Variants in ALPK2 observed in about 807,000 individuals in gnomAD.
ALPK2 encodes the protein alpha kinase 2.
ALPK2 carries 127 observed loss-of-function variants against 163.1 expected under a neutral mutation model. The ratio of observed to expected loss-of-function variants is 0.78; its 90% CI spans 0.67 to 0.90. ALPK2 has a LOEUF of 0.90. ALPK2 is among the 40% of genes least tolerant of loss of function. ALPK2 has a pLI of 0.00. For missense variants in ALPK2, 2,360 were observed against 2,589.6 expected (o/e 0.91, Z 1.92); for synonymous variants, 953 against 959.1 (o/e 0.99, Z 0.12).
At chr18:58,491,249 T>A (rs933217054) in intron 12 of ALPK2, among the ~76,000 whole-genome samples, 1 of 152,264 alleles carries the variant, frequency 6.6e-6, no homozygotes, top group African/African-American at 2.4e-5. Flanking sequence ...GGGGAGGAAC[T>A]TAGTTTATAG....
intron 4 of ALPK2, among the ~76,000 whole-genome samples, chr18:58,554,777 T>G (rs1304750504): frequency 6.6e-6 from 1 of 152,202 alleles, no homozygotes; most frequent in Non-Finnish European, 1.5e-5. Flanking sequence ...GGTTTGGCTG[T>G]GTCCCCACCC....
intron 3 of ALPK2, among the ~76,000 whole-genome samples, chr18:58,583,582 A>G (rs7505399): frequency 0.86 from 130,922 of 151,942 alleles, 56,902 homozygotes; most frequent in East Asian, 1. Context: ...AGGAGGCTGA[A>G]GTGGGAGAAT....
Position 58,481,760 on chromosome 18 carries a change from C to T in ALPK2, c.*63G>A. 7.2e-7 allele frequency: 1 copy of T among 1,382,528 alleles called. No homozygotes were observed. Among genetic ancestry groups the T allele is most frequent in the Non-Finnish European group, 1.0e-6 (1 of 975,880 alleles). The allele number at this position is 1,382,528 out of a possible 1,614,324, so 85.6% of individuals were successfully genotyped here. On this transcript the variant is annotated 3_prime_UTR_variant, in exon 13 of 13. Coordinates refer to ENST00000361673, the MANE Select transcript of ALPK2 (RefSeq NM_052947.4). ...GGCTGTATATTCTCTCCTGTGTGGC[C>T]TCAGATTTTCCCTGGCGAGATTGTG...
At chr18:58,548,415 G>A (rs139113394) in intron 4 of ALPK2, among the ~76,000 whole-genome samples, 7 of 151,824 alleles carry the variant, frequency 4.6e-5, no homozygotes, top group African/African-American at 1.4e-4. Flanking sequence ...CTGCCATCCA[G>A]GTTCAAGTGA....
intron 5 of ALPK2, among the ~76,000 whole-genome samples, chr18:58,532,112 A>G (rs2051619062): frequency 6.6e-6 from 1 of 152,164 alleles, no homozygotes; most frequent in Admixed American, 6.5e-5. Context: ...ATAAATATTC[A>G]GTGCATTCAT....
chr18:58,609,848 C>T (rs921177055), intron 2 of ALPK2, among the ~76,000 whole-genome samples: 3 of 152,130 alleles, frequency 2.0e-5, no homozygotes, highest in African/African-American at 4.8e-5. Context: ...TCCAAACACA[C>T]GAGGGCTCTG....
In ALPK2 at chr18:58,481,941, G is replaced by A. The variant is rs772139303; in HGVS notation, c.6395C>T (p.Ser2132Phe). Reference protein sequence around the residue: ...NKYCKMLGLKSLQNNNQKQKQ... With the variant: ...NKYCKMLGLKFLQNNNQKQKQ... The stretch of plus-strand genomic sequence containing the variant: ...CTGTTTCTGGTTGTTGTTTTGAAGG[G>A]ATTTCAGTCCCAGCATTTTGCAATA... The change falls in exon 13 of 13, where the codon TCC (serine) becomes TTC (phenylalanine). Residue 2132 changes from serine (S) to phenylalanine (F), a missense_variant. By Grantham distance (155) the Ser-to-Phe change is radical (BLOSUM62 -2). Coordinates refer to ENST00000361673, the MANE Select transcript of ALPK2 (RefSeq NM_052947.4). 3.5e-5 allele frequency: 57 copies of A among 1,613,996 alleles called. No individual in the cohort carries two copies. Among genetic ancestry groups the A allele is most frequent in the Non-Finnish European group, 4.7e-5 (55 of 1,180,016 alleles).
intron 4 of ALPK2, among the ~76,000 whole-genome samples, chr18:58,572,203 C>T (rs1178938856): frequency 1.3e-5 from 2 of 152,118 alleles, no homozygotes; most frequent in African/African-American, 4.8e-5. Context: ...TGGGATATCA[C>T]CACACACATA....
At chr18:58,574,454 A>G (rs1257208986) in intron 4 of ALPK2, among the ~76,000 whole-genome samples, 1 of 151,490 alleles carries the variant, frequency 6.6e-6, no homozygotes, top group Non-Finnish European at 1.5e-5. Flanking sequence ...AAAAAAAAAA[A>G]AAAAAAGATT....
intron 2 of ALPK2, among the ~76,000 whole-genome samples, chr18:58,608,157 A>G (rs2052108248): frequency 6.6e-6 from 1 of 152,264 alleles, no homozygotes; most frequent in East Asian, 1.9e-4. Flanking sequence ...ATACTTTAAT[A>G]GTGCTCAAAG....
At chr18:58,490,085 GAAA>G (rs1455361523) in intron 12 of ALPK2, among the ~76,000 whole-genome samples, 1 of 151,702 alleles carries the variant, frequency 6.6e-6, no homozygotes, top group Non-Finnish European at 1.5e-5. Flanking sequence ...AAAAAAGAAA[GAAA>G]AAAAGAAACT....
rs1241486750 is a variant in ALPK2, at chr18:58,488,443, C to T, written c.6297-6404G>A. 2.1e-5 allele frequency among the ~76,000 whole-genome samples: 3 copies of T among 140,370 alleles called. No homozygotes were observed. The Admixed American group carries it at 2.3e-4, about 11-fold the overall frequency. The allele number at this position is 140,370 out of a possible 152,430, so 92.1% of individuals were successfully genotyped here. A position where few individuals can be genotyped will look rare whatever the true frequency, so the allele number is the denominator to read the frequency against. ...TAGCAGCAGGGTGACTGCTTTCTCT[C>T]TGGGATCCGCTCACAACCGTGCTGG... is the stretch of plus-strand genomic sequence containing the variant. On this transcript the variant is annotated intron_variant, in intron 12 of 12. Coordinates refer to ENST00000361673, the MANE Select transcript of ALPK2 (RefSeq NM_052947.4).
At chr18:58,501,284 G>C (rs776488024) in intron 11 of ALPK2, among the ~76,000 whole-genome samples, 2 of 152,234 alleles carry the variant, frequency 1.3e-5, no homozygotes, top group Non-Finnish European at 2.9e-5. Flanking sequence ...CAGCATGAGA[G>C]CTGAATTTAA....
intron 12 of ALPK2, among the ~76,000 whole-genome samples, chr18:58,488,698 T>G (rs1020645023): frequency 1.3e-5 from 2 of 151,842 alleles, no homozygotes; most frequent in African/African-American, 4.8e-5. Context: ...CTGAAGAAGT[T>G]TTAACGCATA....
At chr18:58,596,077 G>A (rs368452232) in intron 3 of ALPK2, among the ~76,000 whole-genome samples, 26 of 152,284 alleles carry the variant, frequency 1.7e-4, no homozygotes, top group African/African-American at 5.8e-4. Context: ...AGCTGCCCCC[G>A]CATGCACTGT....
intron 3 of ALPK2, among the ~76,000 whole-genome samples, chr18:58,602,170 C>T (rs1478821989): frequency 6.6e-6 from 1 of 152,210 alleles, no homozygotes; most frequent in African/African-American, 2.4e-5. Flanking sequence ...CCCTAGACAT[C>T]TCCCACTGGG....
At chr18:58,560,079 C>A (rs2051818199) in intron 4 of ALPK2, among the ~76,000 whole-genome samples, 1 of 152,206 alleles carries the variant, frequency 6.6e-6, no homozygotes, top group African/African-American at 2.4e-5. Context: ...CCACCCAAAT[C>A]TCATCTTGAA....
At chr18:58,502,134 CCACA>C (rs71173056) in intron 11 of ALPK2, among the ~76,000 whole-genome samples, 2,257 of 118,766 alleles carry the variant, frequency 0.019, 34 homozygotes, top group East Asian at 0.042. Context: ...AACCCCATCT[CCACA>C]CACACACACA....
Position 58,537,663 on chromosome 18 carries a change from G to A in ALPK2, c.2524C>T (p.Leu842=), listed in dbSNP as rs1459542750. Residue 842 remains leucine, a synonymous_variant, in exon 5 of 13, where the codon CTG becomes TTG. Transcript: ENST00000361673. ...GATACTTTGTTTTGACCTTCTGCCA[G>A]TTCCGTATCTACAGAGCAAATTTCT... is the stretch of plus-strand genomic sequence containing the variant. ...PQEICSVDTE[L]AEGQNKVSDL... is the part of the protein sequence containing the mutation. 2.5e-6 allele frequency: 4 copies of A among 1,613,840 alleles called. No homozygotes were observed. Among genetic ancestry groups the A allele is most frequent in the Non-Finnish European group, 3.4e-6 (4 of 1,179,764 alleles).
Sources: allele counts gnomAD v4.1 joint callset (sites outside exome capture counted in the v4.1 genomes callset), GRCh38; gene constraint gnomAD v4.1.1; transcripts MANE v1.5; gene names NCBI Gene and HGNC (gene_info 2026-07-23, HGNC 2026-07-21).